The following PHYHD1 variants were observed in gnomAD, a reference collection of about 807,000 sequenced individuals.
PHYHD1 encodes the protein phytanoyl-CoA dioxygenase domain-containing protein 1.
In PHYHD1, 42 loss-of-function variants were observed where a neutral mutation model predicts 43.6. The observed-to-expected ratio is 0.96, with a 90% confidence interval of 0.75 to 1.25. The LOEUF (loss-of-function observed/expected upper bound fraction) is 1.25. Ranked by LOEUF, PHYHD1 falls within the 50% of genes most tolerant of loss-of-function variation. The probability of loss-of-function intolerance (pLI) is 0.00; values close to 1 mark genes in which losing one functional copy is unlikely to be tolerated. For synonymous variants in PHYHD1, 139 were observed against 143.6 expected (o/e 0.97, Z 0.23); for missense variants, 342 against 370.8 (o/e 0.92, Z 0.64).
At chr9:128,926,815 A>T (rs1257921149) in intron 3 of PHYHD1, 1 of 641,500 alleles carries the variant, frequency 1.6e-6, no homozygotes, top group Non-Finnish European at 2.9e-6. Flanking sequence ...AAGTGCTGGG[A>T]TTAGAGGCAT....
chr9:128,929,170 A>C (rs920863604), intron 4 of PHYHD1, among the ~76,000 whole-genome samples: 1 of 152,014 alleles, frequency 6.6e-6, no homozygotes, highest in Non-Finnish European at 1.5e-5. Flanking sequence ...TCTACAAAAA[A>C]ATTTTTTTAA....
chr9:128,940,835 A>G (rs1383206086), intron 11 of PHYHD1, 120 bp downstream of exon 11: 1 of 1,000,722 alleles, frequency 1.0e-6, no homozygotes, highest in African/African-American at 1.6e-5. Context: ...AGTCACAGAA[A>G]GAGAAGGAGG....
At chr9:128,924,735 G>C (rs1841091927) in intron 3 of PHYHD1, among the ~76,000 whole-genome samples, 1 of 151,740 alleles carries the variant, frequency 6.6e-6, no homozygotes, top group African/African-American at 2.4e-5. Context: ...AGGAGTTCGA[G>C]ACCAGCCTGG....
At chr9:128,923,187 G>A (rs1443301883) in intron 3 of PHYHD1, among the ~76,000 whole-genome samples, 8 of 152,098 alleles carry the variant, frequency 5.3e-5, no homozygotes, top group African/African-American at 1.4e-4. Flanking sequence ...CAAGTGATCC[G>A]CCTGCCTTGG....
intron 4 of PHYHD1, among the ~76,000 whole-genome samples, chr9:128,929,786 C>A (rs7858682): frequency 0.017 from 2,627 of 152,124 alleles, 77 homozygotes; most frequent in African/African-American, 0.06. Context: ...CATGAAATAA[C>A]GAATTCAGTA....
At position 128,941,561 on chromosome 9, in the gene PHYHD1, C is replaced by G; in HGVS notation, c.820C>G (p.Pro274Ala). ...LMEASGTTWS[P>A]ENWLQPTAEL... is the part of the protein sequence containing the mutation. ...GGAGGCCTCTGGCACCACCTGGAGC[C>G]CGGAGAACTGGTAGGTGACAGGGTG... Residue 274 changes from proline to alanine, a missense_variant, in exon 12 of 13, where the codon CCG becomes GCG. Pro to Ala is a conservative substitution (Grantham distance 27). Coordinates refer to ENST00000372592, the MANE Select transcript of PHYHD1 (RefSeq NM_001100876.2). 6.2e-7 allele frequency: 1 copy of G among 1,614,148 alleles called. No individual in the cohort carries two copies. Among genetic ancestry groups the G allele is most frequent in the Non-Finnish European group, 8.5e-7 (1 of 1,180,024 alleles).
At chr9:128,940,042 T>C (rs1404178695) in intron 9 of PHYHD1, among the ~76,000 whole-genome samples, 1 of 152,152 alleles carries the variant, frequency 6.6e-6, no homozygotes, top group Non-Finnish European at 1.5e-5. Context: ...TTGAGTTATC[T>C]CACTGGAATT....
chr9:128,929,164 CA>C (rs1349820159), intron 4 of PHYHD1, among the ~76,000 whole-genome samples: 3 of 151,884 alleles, frequency 2.0e-5, no homozygotes, highest in African/African-American at 7.3e-5. Flanking sequence ...CCTGTCTCTA[CA>C]AAAAAATTTT....
At chr9:128,936,363 T>C in intron 6 of PHYHD1, 85 bp from the exon 7 acceptor site, 3 of 1,524,474 alleles carry the variant, frequency 2.0e-6, no homozygotes, top group Non-Finnish European at 2.7e-6. Flanking sequence ...AATGTCAAAG[T>C]AAGCCTGAGT....
At chr9:128,937,996 C>A in intron 9 of PHYHD1, 2 of 1,410,384 alleles carry the variant, frequency 1.4e-6, no homozygotes, top group East Asian at 2.6e-5. Flanking sequence ...TGCCAGCAAC[C>A]CCAGCTGGTT....
chr9:128,928,980 C>T (rs1434323621), intron 4 of PHYHD1, among the ~76,000 whole-genome samples: 1 of 152,148 alleles, frequency 6.6e-6, no homozygotes, highest in Admixed American at 6.6e-5. Flanking sequence ...CACTCTGTTC[C>T]AATCACGTTA....
intron 3 of PHYHD1, among the ~76,000 whole-genome samples, chr9:128,925,154 G>A (rs1291118830): frequency 1.3e-5 from 2 of 152,060 alleles, no homozygotes; most frequent in Non-Finnish European, 1.5e-5. Flanking sequence ...CCATGGTGGC[G>A]GAAGGGGTGT....
chr9:128,940,622 C>A lies in PHYHD1; in HGVS notation c.610C>A (p.Arg204=). Reference sequence around the variant, plus strand: ...AGGTGGTGTGTCAAGAAGGATGGTCCGGGCCCCTGTTGGCTCAGCGCCTGG... The same window carrying A: ...AGGTGGTGTGTCAAGAAGGATGGTCAGGGCCCCTGTTGGCTCAGCGCCTGG... ...HTSGVSRRMV[R]APVGSAPGTS... is the part of the protein sequence containing the mutation. The change falls in exon 11 of 13, where the codon CGG becomes AGG. Residue 204 remains arginine, a synonymous_variant. Transcript: ENST00000372592. 6.2e-7 allele frequency: 1 copy of A among 1,614,128 alleles called. No individual in the cohort carries two copies. Among genetic ancestry groups the A allele is most frequent in the Non-Finnish European group, 8.5e-7 (1 of 1,180,022 alleles).
At chr9:128,926,759 G>C in intron 3 of PHYHD1, 2 of 454,858 alleles carry the variant, frequency 4.4e-6, no homozygotes, top group Non-Finnish European at 8.8e-6. Flanking sequence ...CAGCCAGGAT[G>C]GTCTCAAACT....
chr9:128,938,508 G>A lies in PHYHD1; in HGVS notation c.457+730G>A, dbSNP rs552326816. ...ACAATTTCGGCTCACTACAACTTCCGCCTCTCCGGTCCAAGTGATTCTCCT... is the reference window on the plus strand; with the variant it reads ...ACAATTTCGGCTCACTACAACTTCCACCTCTCCGGTCCAAGTGATTCTCCT... On this transcript the variant is annotated intron_variant, in intron 9 of 12. Coordinates refer to ENST00000372592, the MANE Select transcript of PHYHD1 (RefSeq NM_001100876.2). Among the ~76,000 whole-genome samples, 12 of 152,070 alleles carry A rather than the reference G, an allele frequency of 7.9e-5. No homozygotes were observed. In the South Asian group the frequency reaches 8.3e-4, roughly 11 times the overall value.
rs1308911019 is a variant in PHYHD1, at chr9:128,936,584, C to T, written c.374C>T (p.Thr125Ile). 1 of 1,585,872 alleles carries T rather than the reference C, an allele frequency of 6.3e-7. No homozygotes were observed. The highest frequency in any genetic ancestry group is 1.3e-5 in the African/African-American group (1 of 74,392). Reference protein sequence around the residue: ...KSITHSFKVQTLARSLGLQMP... With the variant: ...KSITHSFKVQILARSLGLQMP... ...AGCATGACCTTTGCCCCCCTCCAGA[C>T]CTTGGCCAGAAGTCTGGGCCTCCAG... Residue 125 changes from threonine (T) to isoleucine (I), a missense_variant and splice_region_variant, in exon 8 of 13, where the codon ACC (threonine) becomes ATC (isoleucine). Coordinates refer to ENST00000372592, the MANE Select transcript of PHYHD1 (RefSeq NM_001100876.2).
intron 8 of PHYHD1, 65 bp downstream of exon 8, chr9:128,936,710 C>T: frequency 2.6e-6 from 4 of 1,515,466 alleles, no homozygotes; most frequent in South Asian, 1.2e-5. Flanking sequence ...ATACCAAGCC[C>T]TTCCTTACAA....
chr9:128,937,696 AG>A (rs1183766516), intron 8 of PHYHD1, 60 bp from the exon 9 acceptor site: 4 of 1,604,222 alleles, frequency 2.5e-6, no homozygotes, highest in Non-Finnish European at 2.6e-6. Context: ...TGGGAGTCTC[AG>A]CAAGCCCAGC....
rs1244332529 is a variant in PHYHD1, at chr9:128,921,183, C to T, written c.-645C>T. 2 of 152,472 alleles carry T rather than the reference C, an allele frequency of 1.3e-5. No homozygotes were observed. Among genetic ancestry groups the T allele is most frequent in the African/African-American group, 4.8e-5 (2 of 41,446 alleles). The allele number at this position is 152,472 out of a possible 1,614,324, so 9.4% of individuals were successfully genotyped here. On this transcript the variant is annotated 5_prime_UTR_variant, in exon 1 of 13. Coordinates refer to ENST00000372592, the MANE Select transcript of PHYHD1 (RefSeq NM_001100876.2). ...AGTGAGTGCCGTGGCATGATCTCGG[C>T]TCACTGCAACCTCCGCCTCCTGGGT...
Sources: allele counts gnomAD v4.1 joint callset (sites outside exome capture counted in the v4.1 genomes callset), GRCh38; gene constraint gnomAD v4.1.1; transcripts MANE v1.5; gene names NCBI Gene and HGNC (gene_info 2026-07-23, HGNC 2026-07-21).